PPP3CA: variants seen among roughly 807,000 people sequenced by gnomAD.
The protein encoded by PPP3CA is CAM-PRP catalytic subunit.
PPP3CA carries 14 observed loss-of-function variants against 66.5 expected under a neutral mutation model. The observed-to-expected ratio is 0.21, with a 90% CI of 0.14 to 0.33. PPP3CA has a LOEUF of 0.33. Ranked by LOEUF, PPP3CA falls within the 10% of genes least tolerant of loss-of-function variation. The pLI, the probability that PPP3CA is intolerant of heterozygous loss-of-function variation, is 1.00. For synonymous variants in PPP3CA, 232 were observed against 226.2 expected (o/e 1.03, Z -0.23); for missense variants, 317 against 639.5 (o/e 0.50, Z 5.44).
chr4:101,264,199 T>C (rs1024852920), intron 1 of PPP3CA, among the ~76,000 whole-genome samples: 23 of 152,222 alleles, frequency 1.5e-4, no homozygotes, highest in Admixed American at 9.2e-4. Flanking sequence ...CATATCTTTT[T>C]CCCCCATGTC....
At chr4:101,279,586 G>GA (rs2110276306) in intron 1 of PPP3CA, among the ~76,000 whole-genome samples, 1 of 152,308 alleles carries the variant, frequency 6.6e-6, no homozygotes, top group Non-Finnish European at 1.5e-5. Flanking sequence ...TTTTGTATCA[G>GA]AATAAGTACA....
At chr4:101,278,058 G>A (rs13116679) in intron 1 of PPP3CA, among the ~76,000 whole-genome samples, 81,288 of 145,486 alleles carry the variant, frequency 0.56, 26,656 homozygotes, top group Non-Finnish European at 0.74. Context: ...TGCTTTATAC[G>A]GAGAAAGGGC....
chr4:101,252,710 G>A (rs1319799625), intron 1 of PPP3CA, among the ~76,000 whole-genome samples: 2 of 152,150 alleles, frequency 1.3e-5, no homozygotes. Context: ...GAAAATTATT[G>A]GTAGTATTAA....
rs113877632 is a variant in PPP3CA at position 101,073,529 on chromosome 4, C to T, written c.955+7003G>A. Among the ~76,000 whole-genome samples, 297 of 152,092 alleles carry T rather than the reference C, an allele frequency of 2.0e-3. 2 individuals carry two copies. Among genetic ancestry groups the T allele is most frequent in the African/African-American group, 6.6e-3 (274 of 41,492 alleles). Reference sequence around the variant, plus strand: ...TGACCTCATGATCTGCCCGCCTCAGCCTCTCAAAGTGCTGGGATGCACACG... The same window carrying T: ...TGACCTCATGATCTGCCCGCCTCAGTCTCTCAAAGTGCTGGGATGCACACG... On this transcript the variant is annotated intron_variant, in intron 8 of 13. Transcript: ENST00000394854.
chr4:101,164,158 T>C (rs2110309448), intron 2 of PPP3CA, among the ~76,000 whole-genome samples: 1 of 151,916 alleles, frequency 6.6e-6, no homozygotes, highest in Non-Finnish European at 1.5e-5. Flanking sequence ...TCTGCTCAAA[T>C]CTCCTCTCCT....
chr4:101,172,419 G>A (rs1201000355), intron 2 of PPP3CA, among the ~76,000 whole-genome samples: 1 of 151,982 alleles, frequency 6.6e-6, no homozygotes, highest in Non-Finnish European at 1.5e-5. Context: ...GAATATAGTT[G>A]GTGCTACATT....
At chr4:101,244,059 T>C (rs1726398280) in intron 1 of PPP3CA, among the ~76,000 whole-genome samples, 1 of 152,238 alleles carries the variant, frequency 6.6e-6, no homozygotes, top group South Asian at 2.1e-4. Context: ...AAGAGTATAT[T>C]GACTTGCCTA....
At position 101,080,711 on chromosome 4, in the gene PPP3CA, T is replaced by C. The variant is rs935744534; in HGVS notation, c.861-85A>G. The C allele has an allele frequency of 2.0e-5, 15 of 761,082 alleles. No homozygotes were observed. In the African/African-American group the frequency reaches 2.3e-4, roughly 12 times the overall value. 47.1% of individuals were successfully genotyped at this position (761,082 alleles called of 1,614,324 possible). ...ATAGATTGAGAAATAGAAAATTAGA[T>C]GAGTCAAGTTCCATCATTCAAAGGG... is the stretch of plus-strand genomic sequence containing the variant. On this transcript the variant is annotated intron_variant, in intron 7 of 13. Transcript: ENST00000394854.
chr4:101,100,422 T>C (rs957139501), intron 3 of PPP3CA, among the ~76,000 whole-genome samples: 2 of 152,154 alleles, frequency 1.3e-5, no homozygotes, highest in East Asian at 3.8e-4. Flanking sequence ...TCATTAATCA[T>C]ATTGTACTAA....
intron 1 of PPP3CA, among the ~76,000 whole-genome samples, chr4:101,213,085 T>C (rs926435765): frequency 2.6e-5 from 4 of 152,114 alleles, no homozygotes; most frequent in Admixed American, 1.3e-4. Context: ...TTTTGACAAA[T>C]TGAGTTAGTT....
intron 1 of PPP3CA, among the ~76,000 whole-genome samples, chr4:101,292,231 C>T (rs1335949179): frequency 6.6e-6 from 1 of 152,074 alleles, no homozygotes; most frequent in Non-Finnish European, 1.5e-5. Flanking sequence ...ACATTTCTAG[C>T]ATATTATACA....
At chr4:101,260,469 T>C (rs908714144) in intron 1 of PPP3CA, among the ~76,000 whole-genome samples, 3 of 152,206 alleles carry the variant, frequency 2.0e-5, no homozygotes, top group African/African-American at 7.2e-5. Context: ...GAAAATCTTT[T>C]ACTTCCTAGC....
intron 1 of PPP3CA, among the ~76,000 whole-genome samples, chr4:101,306,256 A>AGCAAC (rs1728532731): frequency 6.6e-6 from 1 of 152,102 alleles, no homozygotes; most frequent in Admixed American, 6.6e-5. Context: ...TTTCTGTTTG[A>AGCAAC]GCAACACTGC....
Position 101,086,543 on chromosome 4 carries a change from GT to G in PPP3CA, c.783-3281del, listed in dbSNP as rs77091790. Among the ~76,000 whole-genome samples, 470 of 148,020 alleles carry G rather than the reference GT, an allele frequency of 3.2e-3. 3 individuals are homozygous for G. The highest frequency in any genetic ancestry group is 9.6e-3 in the African/African-American group (386 of 40,342). ...CATAGCTAGTGGGCATTATTAAAAT[GT>G]TTTTTTTTTAAATGTTTTTATGCCT... On this transcript the variant is annotated intron_variant, in intron 6 of 13. Transcript: ENST00000394854.
intron 1 of PPP3CA, among the ~76,000 whole-genome samples, chr4:101,342,370 T>C (rs977519126): frequency 2.0e-5 from 3 of 152,166 alleles, no homozygotes; most frequent in Admixed American, 2.0e-4. Flanking sequence ...AATCATTAAA[T>C]TTACTGAATG....
chr4:101,161,422 A>G (rs1227616761), intron 2 of PPP3CA, among the ~76,000 whole-genome samples: 1 of 152,158 alleles, frequency 6.6e-6, no homozygotes, highest in Non-Finnish European at 1.5e-5. Context: ...AATACATTAT[A>G]CATTTTTCTC....
At chr4:101,106,460 G>GAA (rs1560605225) in intron 3 of PPP3CA, among the ~76,000 whole-genome samples, 1 of 23,462 alleles carries the variant, frequency 4.3e-5, no homozygotes, top group Non-Finnish European at 9.0e-5. Flanking sequence ...AAAGAGAAAA[G>GAA]AAAAGAAAAG....
chr4:101,211,659 C>T (rs1436843194), intron 1 of PPP3CA, among the ~76,000 whole-genome samples: 2 of 152,112 alleles, frequency 1.3e-5, no homozygotes, highest in African/African-American at 2.4e-5. Context: ...GTTATTTCCA[C>T]GTATGAACAC....
At chr4:101,121,782 A>G (rs1296253935) in intron 2 of PPP3CA, among the ~76,000 whole-genome samples, 5 of 152,126 alleles carry the variant, frequency 3.3e-5, no homozygotes, top group African/African-American at 1.2e-4. Flanking sequence ...AATACAACTG[A>G]TTTTCTCAAG....
Sources: gnomAD v4.1 joint callset for allele counts (sites outside exome capture counted in the v4.1 genomes callset) on GRCh38, gnomAD v4.1.1 for gene constraint, MANE v1.5 for transcripts, NCBI Gene and HGNC (gene_info 2026-07-23, HGNC 2026-07-21) for gene names.